KRT37: variants seen among roughly 807,000 people sequenced by gnomAD.
KRT37 encodes the protein keratin, type I cuticular Ha7.
Under a neutral mutation model 41.9 loss-of-function variants are expected in KRT37, and 38 were observed. That is an observed-to-expected ratio of 0.91 (90% CI 0.70 to 1.19). KRT37 has a LOEUF of 1.19. Ranked by LOEUF, KRT37 falls within the 50% of genes most tolerant of loss-of-function variation. KRT37 has a pLI of 0.00. For synonymous variants in KRT37, 252 were observed against 243.4 expected (o/e 1.04, Z -0.33); for missense variants, 580 against 575.5 (o/e 1.01, Z -0.08).
intron 6 of KRT37, 70 bp downstream of exon 6, chr17:41,421,297 C>T (rs1567689829): frequency 2.0e-6 from 3 of 1,512,828 alleles, no homozygotes; most frequent in South Asian, 2.3e-5. Flanking sequence ...TCTGCAAGCA[C>T]TTCCATTACC....
At chr17:41,421,264 G>T in intron 6 of KRT37, 103 bp downstream of exon 6, 1 of 1,233,620 alleles carries the variant, frequency 8.1e-7, no homozygotes, top group Non-Finnish European at 1.2e-6. Context: ...GCACAGGAAG[G>T]CTTGTTTGTT....
rs543811040 is a variant in KRT37, at chr17:41,422,840, G to T, written c.670C>A (p.Leu224Met). The change falls in exon 3 of 7, where the codon CTG (leucine) becomes ATG (methionine). Residue 224 changes from leucine to methionine, a missense_variant. Leu to Met is a conservative substitution (Grantham distance 15). Transcript: ENST00000225550. Reference sequence around the variant, plus strand: ...TTCAGGGACTCCTGCTGGGCCTCCAGGTCGGCCTTGGCCAGGGTCGCGTCA... The same window carrying T: ...TTCAGGGACTCCTGCTGGGCCTCCATGTCGGCCTTGGCCAGGGTCGCGTCA... Reference protein sequence around the residue: ...LDDATLAKADLEAQQESLKEE... With the variant: ...LDDATLAKADMEAQQESLKEE... 18 of 1,614,068 alleles carry T rather than the reference G, an allele frequency of 1.1e-5. No individual in the cohort carries two copies. Among genetic ancestry groups the T allele is most frequent in the Non-Finnish European group, 1.5e-5 (18 of 1,180,000 alleles).
In KRT37 at chr17:41,420,929, G is replaced by A; in HGVS notation, c.1299C>T (p.Gly433=). 1.2e-6 allele frequency: 2 copies of A among 1,614,074 alleles called. No homozygotes were observed. The highest frequency in any genetic ancestry group is 1.7e-6 in the Non-Finnish European group (2 of 1,179,982). ...CAGAGGGAGACCCACCGGTGACAGG[G>A]CCACAGCTTGGACAAGAAGTACAGG... ...PASCTSCPSC[G]PVTGGSPSGH... Residue 433 remains glycine (G), a synonymous_variant, in exon 7 of 7, where the codon GGC becomes GGT. Coordinates refer to ENST00000225550, the MANE Select transcript of KRT37 (RefSeq NM_003770.5).
At chr17:41,423,648 T>C in intron 2 of KRT37, 114 bp downstream of exon 2, 1 of 841,720 alleles carries the variant, frequency 1.2e-6, no homozygotes, top group Non-Finnish European at 1.9e-6. Flanking sequence ...GAGAGAAATA[T>C]TCTTCTAGTC....
At position 41,420,920 on chromosome 17, in the gene KRT37, G is replaced by A. The variant is rs147477038; in HGVS notation, c.1308C>T (p.Thr436=). 331 of 1,614,000 alleles carry A rather than the reference G, an allele frequency of 2.1e-4. 3 individuals are homozygous for A. The African/African-American group carries it at 3.3e-3, about 16-fold the overall frequency. Residue 436 remains threonine, a synonymous_variant, in exon 7 of 7, where the codon ACC becomes ACT. Coordinates refer to ENST00000225550, the MANE Select transcript of KRT37 (RefSeq NM_003770.5). The part of the protein sequence containing the change: ...CTSCPSCGPV[T]GGSPSGHGAS... ...CTCCATGGCCAGAGGGAGACCCACC[G>A]GTGACAGGGCCACAGCTTGGACAAG...
At position 41,423,777 on chromosome 17, in the gene KRT37, TC is replaced by T; in HGVS notation, c.559del (p.Asp187MetfsTer45). 4 of 1,614,222 alleles carry T rather than the reference TC, an allele frequency of 2.5e-6. No individual in the cohort carries two copies. The highest frequency in any genetic ancestry group is 3.4e-6 in the Non-Finnish European group (4 of 1,180,032). On this transcript the variant is annotated frameshift_variant, in exon 2 of 7. Coordinates refer to ENST00000225550, the MANE Select transcript of KRT37 (RefSeq NM_003770.5). LOFTEE classifies it high-confidence loss of function. ...CCTGACTTACTTGATCCTAAAGTCA[TC>T]AGCAGCCAGCTTCGCGTTGTCAATT... is the stretch of plus-strand genomic sequence containing the variant. Reference protein sequence around the residue: ...VQIDNAKLAADDFRIKLESER... With the variant: ...VQIDNAKLAAXDFRIKLESER...
At chr17:41,423,391 C>T (rs2018570703) in intron 2 of KRT37, 2 of 248,074 alleles carry the variant, frequency 8.1e-6, no homozygotes, top group Admixed American at 1.0e-4. Context: ...ATGACAATTC[C>T]TCCAGCTGAT....
chr17:41,421,995 G>A (rs2144396357), intron 5 of KRT37, 74 bp downstream of exon 5: 1 of 1,606,776 alleles, frequency 6.2e-7, no homozygotes, highest in African/African-American at 1.3e-5. Flanking sequence ...ACTGATTTGT[G>A]AGACTTTAAG....
chr17:41,424,215 A>G lies in KRT37; in HGVS notation c.309T>C (p.His103=), dbSNP rs143839263. 6.2e-4 allele frequency: 1,007 copies of G among 1,614,076 alleles called. 1 individual carries two copies. Among genetic ancestry groups the G allele is most frequent in the Non-Finnish European group, 7.9e-4 (928 of 1,179,996 alleles). The change falls in exon 1 of 7, where the codon CAT becomes CAC. Residue 103 remains histidine, a synonymous_variant. Coordinates refer to ENST00000225550, the MANE Select transcript of KRT37 (RefSeq NM_003770.5). ...TCAGGAACTTCATGGTCTCCTTCTC[A>G]TGGCCATTCAGGGTGTTTTTGCCGT... The part of the protein sequence containing the change: ...GAYGKNTLNG[H]EKETMKFLND...
intron 5 of KRT37, 79 bp from the exon 6 acceptor site, chr17:41,421,666 C>T: frequency 4.4e-6 from 6 of 1,369,884 alleles, no homozygotes; most frequent in Non-Finnish European, 5.1e-6. Context: ...ACTCATCACA[C>T]ATAGGGCAAA....
At chr17:41,423,931 A>T (rs911936720) in intron 1 of KRT37, 87 bp from the exon 2 acceptor site, 16 of 1,604,966 alleles carry the variant, frequency 1.0e-5, no homozygotes, top group Middle Eastern at 3.3e-4. Flanking sequence ...CATGTCCAAG[A>T]GAAACCAAGA....
chr17:41,421,089 C>G (rs1045230023), intron 6 of KRT37, 103 bp from the exon 7 acceptor site: 3 of 888,792 alleles, frequency 3.4e-6, no homozygotes, highest in Non-Finnish European at 5.4e-6. Flanking sequence ...ACAAGGCACA[C>G]AGACCAGAGA....
intron 5 of KRT37, 135 bp downstream of exon 5, chr17:41,421,934 A>T: frequency 6.9e-7 from 1 of 1,453,304 alleles, no homozygotes; most frequent in Non-Finnish European, 9.4e-7. Flanking sequence ...TGACAGCAAG[A>T]CGTCTCCATC....
At chr17:41,423,350 C>T (rs2018570336) in intron 2 of KRT37, 1 of 239,660 alleles carries the variant, frequency 4.2e-6, no homozygotes, top group Admixed American at 5.2e-5. Context: ...CCCCTTCATT[C>T]AAGCACAACT....
chr17:41,423,683 A>T, intron 2 of KRT37, 79 bp downstream of exon 2: 1 of 1,351,494 alleles, frequency 7.4e-7, no homozygotes, highest in Non-Finnish European at 1.1e-6. Flanking sequence ...AACACCTACA[A>T]TATAGACTGA....
Position 41,424,343 on chromosome 17 carries a change from G to A in KRT37, c.181C>T (p.Pro61Ser), listed in dbSNP as rs140747125. 2,211 of 1,614,132 alleles carry A rather than the reference G, an allele frequency of 1.4e-3. 5 individuals carry two copies. Among genetic ancestry groups the A allele is most frequent in the Middle Eastern group, 0.012 (74 of 6,062 alleles). Residue 61 changes from proline (P) to serine (S), a missense_variant, in exon 1 of 7, where the codon CCC becomes TCC. Coordinates refer to ENST00000225550, the MANE Select transcript of KRT37 (RefSeq NM_003770.5). Reference sequence around the variant, plus strand: ...AGACAGAGGCTGGGGCGGCCCAGGGGAGTCGACCCCACACGGACTCTGTTG... The same window carrying A: ...AGACAGAGGCTGGGGCGGCCCAGGGAAGTCGACCCCACACGGACTCTGTTG... ...HANRVRVGST[P>S]LGRPSLCLPP...
At chr17:41,422,465 G>A (rs183083367) in intron 3 of KRT37, 31 bp from the exon 4 acceptor site, 135 of 1,611,002 alleles carry the variant, frequency 8.4e-5, no homozygotes, top group South Asian at 3.8e-4. Context: ...GACAGCCTGC[G>A]TAAGGAAACG....
chr17:41,421,093 C>T (rs2018533292), intron 6 of KRT37, 107 bp from the exon 7 acceptor site: 4 of 863,934 alleles, frequency 4.6e-6, no homozygotes, highest in East Asian at 2.5e-5. Context: ...GGCACACAGA[C>T]CAGAGAATCT....
chr17:41,422,903 C>T lies in KRT37; in HGVS notation c.607G>A (p.Val203Met), dbSNP rs530076925. The T allele has an allele frequency of 1.4e-5, 22 of 1,614,072 alleles. No individual in the cohort carries two copies. The highest frequency in any genetic ancestry group is 6.7e-5 in the African/African-American group (5 of 75,068). Residue 203 changes from valine (V) to methionine (M), a missense_variant, in exon 3 of 7, where the codon GTG (valine) becomes ATG (methionine). Transcript: ENST00000225550. ...LESERSLHQL[V>M]EADKCGTQKL... ...TGCGTCCCGCACTTGTCCGCCTCCA[C>T]CAGCTGGTGAAGGGAGCGCTCACTC...
Sources: allele counts gnomAD v4.1 joint callset, GRCh38; gene constraint gnomAD v4.1.1; transcripts MANE v1.5; gene names NCBI Gene and HGNC (gene_info 2026-07-23, HGNC 2026-07-21).